The following BTBD1 variants were observed in gnomAD, a reference collection of about 807,000 sequenced individuals.
BTBD1 encodes the protein BTB domain containing 1.
In BTBD1, 34 loss-of-function variants were observed where a neutral mutation model predicts 48.0. The ratio of observed to expected loss-of-function variants is 0.71; its 90% CI spans 0.54 to 0.94. BTBD1 has a LOEUF of 0.94. BTBD1 is among the 40% of genes least tolerant of loss of function. BTBD1 has a pLI of 0.00. For synonymous variants in BTBD1, 261 were observed against 242.1 expected (o/e 1.08, Z -0.72); for missense variants, 543 against 625.6 (o/e 0.87, Z 1.41).
chr15:83,032,752 C>T (rs767515189), intron 4 of BTBD1, among the ~76,000 whole-genome samples: 4 of 151,776 alleles, frequency 2.6e-5, no homozygotes, highest in Non-Finnish European at 4.4e-5. Context: ...GGGAGGTGAG[C>T]GATAAAAGCC....
At chr15:83,026,676 C>A (rs1412533043) in intron 5 of BTBD1, among the ~76,000 whole-genome samples, 1 of 152,020 alleles carries the variant, frequency 6.6e-6, no homozygotes, top group Non-Finnish European at 1.5e-5. Flanking sequence ...GCATGTGCCC[C>A]CACACCTGGC....
chr15:83,030,104 C>G (rs370761064), intron 5 of BTBD1, 32 bp downstream of exon 5: 3 of 1,603,896 alleles, frequency 1.9e-6, no homozygotes, highest in Non-Finnish European at 2.6e-6. Flanking sequence ...GCTACCCCCA[C>G]TCTACCCCCG....
At chr15:83,038,451 T>A (rs2032673641) in intron 4 of BTBD1, among the ~76,000 whole-genome samples, 2 of 152,150 alleles carry the variant, frequency 1.3e-5, no homozygotes, top group South Asian at 4.1e-4. Context: ...GAAGACTCAA[T>A]ATCGTTCAAA....
At position 83,067,015 on chromosome 15, in the gene BTBD1, TAG is replaced by T; in HGVS notation, c.135_136del (p.Tyr46GlnfsTer59). The T allele has an allele frequency of 1.3e-6, 2 of 1,584,264 alleles. No individual in the cohort carries two copies. Among genetic ancestry groups the T allele is most frequent in the Non-Finnish European group, 1.7e-6 (2 of 1,167,468 alleles). On this transcript the variant is annotated frameshift_variant, in exon 1 of 8. Transcript: ENST00000261721. LOFTEE classifies it high-confidence loss of function. ...CGACGCCTTGGTCGCCTGCCAGTTGTAGAGAGGTTCCCGCTGCAGGGGGAGCA... is the reference window on the plus strand; with the variant it reads ...CGACGCCTTGGTCGCCTGCCAGTTGTAGAGGTTCCCGCTGCAGGGGGAGCA...
intron 3 of BTBD1, among the ~76,000 whole-genome samples, chr15:83,048,056 T>C (rs552103033): frequency 4.6e-5 from 7 of 152,194 alleles, no homozygotes; most frequent in African/African-American, 1.7e-4. Context: ...AAGAGAATGG[T>C]GGCTTAGACT....
chr15:83,034,284 A>T (rs1018377164), intron 4 of BTBD1, among the ~76,000 whole-genome samples: 20 of 152,168 alleles, frequency 1.3e-4, no homozygotes, highest in African/African-American at 2.4e-4. Context: ...TATAGAATTT[A>T]AAAAACCTTG....
intron 4 of BTBD1, among the ~76,000 whole-genome samples, chr15:83,036,704 G>A (rs1472175379): frequency 6.6e-6 from 1 of 152,242 alleles, no homozygotes; most frequent in Non-Finnish European, 1.5e-5. Context: ...TGGCACAGTT[G>A]TATAACAGAA....
At chr15:83,044,496 A>T in intron 3 of BTBD1, 1 of 1,578,220 alleles carries the variant, frequency 6.3e-7, no homozygotes, top group East Asian at 2.2e-5. Context: ...GCCAGATTGT[A>T]TCATCACTTG....
At chr15:83,030,072 T>C (rs921905026) in intron 5 of BTBD1, 64 bp downstream of exon 5, 3 of 1,412,994 alleles carry the variant, frequency 2.1e-6, no homozygotes, top group African/African-American at 1.4e-5. Flanking sequence ...CCATAATATA[T>C]AAAAAAGGCC....
intron 3 of BTBD1, among the ~76,000 whole-genome samples, chr15:83,045,423 G>A (rs1208752791): frequency 6.6e-6 from 1 of 152,052 alleles, no homozygotes; most frequent in Non-Finnish European, 1.5e-5. Context: ...GCTTGAACCC[G>A]GGAGGCGGAG....
intron 1 of BTBD1, among the ~76,000 whole-genome samples, chr15:83,064,136 T>C (rs1166854362): frequency 6.6e-6 from 1 of 152,208 alleles, no homozygotes; most frequent in Non-Finnish European, 1.5e-5. Flanking sequence ...AGCCTGTAAG[T>C]AATGTTAACT....
chr15:83,052,518 G>GT (rs923743310), intron 2 of BTBD1, among the ~76,000 whole-genome samples: 18 of 151,858 alleles, frequency 1.2e-4, no homozygotes, highest in Non-Finnish European at 1.9e-4. Context: ...TTGCCCCAAC[G>GT]TTTTTTAATA....
chr15:83,058,634 G>C (rs1443214136), intron 1 of BTBD1, among the ~76,000 whole-genome samples: 1 of 151,550 alleles, frequency 6.6e-6, no homozygotes, highest in Non-Finnish European at 1.5e-5. Context: ...AAAAAAAAAA[G>C]AAATTTTTGT....
intron 4 of BTBD1, 78 bp downstream of exon 4, chr15:83,041,650 A>G: frequency 7.5e-7 from 1 of 1,340,200 alleles, no homozygotes; most frequent in Non-Finnish European, 1.1e-6. Context: ...CTGGGATTAT[A>G]GGTGTGAGCC....
In BTBD1 at chr15:83,033,412, G is replaced by A. The variant is rs1451025851; in HGVS notation, c.863-3084C>T. Among the ~76,000 whole-genome samples the A allele has an allele frequency of 2.0e-5, 3 of 151,992 alleles. No individual in the cohort carries two copies. The East Asian group carries it at 5.8e-4, about 29-fold the overall frequency. Reference sequence around the variant, plus strand: ...GATAACTGAAAGGGCAAATATATAGGCAAATCAAAAGGATTATTGACTTTA... The same window carrying A: ...GATAACTGAAAGGGCAAATATATAGACAAATCAAAAGGATTATTGACTTTA... On this transcript the variant is annotated intron_variant, in intron 4 of 7. Coordinates refer to ENST00000261721, the MANE Select transcript of BTBD1 (RefSeq NM_025238.4).
chr15:83,035,997 C>T (rs2151304701), intron 4 of BTBD1, among the ~76,000 whole-genome samples: 1 of 148,886 alleles, frequency 6.7e-6, no homozygotes, highest in East Asian at 2.0e-4. Context: ...TAATGCATAA[C>T]AACCAAGTCT....
chr15:83,026,605 C>T (rs2032413229), intron 5 of BTBD1, among the ~76,000 whole-genome samples: 1 of 149,492 alleles, frequency 6.7e-6, no homozygotes, highest in African/African-American at 2.5e-5. Flanking sequence ...TCACCACAAC[C>T]TCCACCTCCC....
chr15:83,042,252 T>C (rs959621877), intron 3 of BTBD1, among the ~76,000 whole-genome samples: 3 of 150,662 alleles, frequency 2.0e-5, no homozygotes, highest in Admixed American at 6.6e-5. Flanking sequence ...AAGGTTCCAA[T>C]TACATAAATT....
rs372614141 is a variant in BTBD1 at position 83,041,350 on chromosome 15, C to T, written c.862+378G>A. On this transcript the variant is annotated intron_variant, in intron 4 of 7. Coordinates refer to ENST00000261721, the MANE Select transcript of BTBD1 (RefSeq NM_025238.4). Reference sequence around the variant, plus strand: ...AATAAAAGCTTCTTTTCCTCTCTGGCGCAGGGAGACTGATAGAATTTTTTT... The same window carrying T: ...AATAAAAGCTTCTTTTCCTCTCTGGTGCAGGGAGACTGATAGAATTTTTTT... 1.1e-3 allele frequency among the ~76,000 whole-genome samples: 164 copies of T among 150,586 alleles called. 5 individuals carry two copies. The South Asian group carries it at 0.033, about 30-fold the overall frequency.
Sources: allele counts gnomAD v4.1 joint callset (sites outside exome capture counted in the v4.1 genomes callset), GRCh38; gene constraint gnomAD v4.1.1; transcripts MANE v1.5; gene names NCBI Gene and HGNC (gene_info 2026-07-23, HGNC 2026-07-21).